PPP1R12C: variants seen among roughly 807,000 people sequenced by gnomAD.
The protein encoded by PPP1R12C is leukocyte receptor cluster (LRC) encoded novel gene 3.
In PPP1R12C, 48 loss-of-function variants were observed where a neutral mutation model predicts 95.6. The ratio of observed to expected loss-of-function variants is 0.50; its 90% CI spans 0.40 to 0.64. The LOEUF is 0.64. PPP1R12C is among the 30% of genes least tolerant of loss of function. PPP1R12C has a pLI of 0.00. For missense variants in PPP1R12C, 1,057 were observed against 1,083.3 expected (o/e 0.98, Z 0.34); for synonymous variants, 480 against 460.8 (o/e 1.04, Z -0.53).
intron 1 of PPP1R12C, 28 bp from the exon 2 acceptor site, chr19:55,112,823 C>T: frequency 1.9e-6 from 3 of 1,608,914 alleles, no homozygotes; most frequent in Non-Finnish European, 2.5e-6. Context: ...CCGTCAGCCG[C>T]ACCTACCCCA....
Position 55,117,516 on chromosome 19 carries a change from C to A in PPP1R12C, c.28G>T (p.Gly10Cys). Residue 10 changes from glycine (G) to cysteine (C), a missense_variant, in exon 1 of 22, where the codon GGC becomes TGC. Gly to Cys is a radical substitution (Grantham distance 159). Around this residue, in one of 5 missense-constraint regions of PPP1R12C, gnomAD observed 70 missense variants for 47.8 expected, o/e 1.46. Transcript: ENST00000263433. ...GCAGCCGCCGCCGCCGCCCCCGGGC[C>A]AGCCGCCGGGCCATCCTCTCCGGAC... is the stretch of plus-strand genomic sequence containing the variant. MSGEDGPAA[G>C]PGAAAAAARE... 9.7e-7 allele frequency: 1 copy of A among 1,027,150 alleles called. No homozygotes were observed. 63.6% of individuals were successfully genotyped at this position (1,027,150 alleles called of 1,614,324 possible).
intron 12 of PPP1R12C, 96 bp downstream of exon 12, chr19:55,094,565 C>G (rs2084887451): frequency 3.9e-6 from 6 of 1,534,868 alleles, no homozygotes; most frequent in Non-Finnish European, 5.2e-6. Context: ...GGCCAGCTCT[C>G]CCTCAGGAGC....
At chr19:55,111,639 C>T (rs1376534467) in intron 3 of PPP1R12C, 1 of 152,140 alleles carries the variant, frequency 6.6e-6, no homozygotes, top group African/African-American at 2.4e-5. Flanking sequence ...GCGGCCCCGT[C>T]AGGACAGCCG....
intron 3 of PPP1R12C, among the ~76,000 whole-genome samples, chr19:55,110,487 G>A (rs1488953532): frequency 1.3e-5 from 2 of 152,142 alleles, no homozygotes; most frequent in African/African-American, 4.8e-5. Context: ...TCAACACAGG[G>A]GGTAGCGTGT....
Position 55,115,671 on chromosome 19 carries a change from G to A in PPP1R12C, c.321+1552C>T, listed in dbSNP as rs1188741876. Among the ~76,000 whole-genome samples, 6 of 152,176 alleles carry A rather than the reference G, an allele frequency of 3.9e-5. No homozygotes were observed. In the South Asian group the frequency reaches 1.2e-3, roughly 31 times the overall value. ...GGGTGTGTCACCAGATAAGGAATCT[G>A]CCTAACAGGAGGTGGGGGTTAGACC... On this transcript the variant is annotated intron_variant, in intron 1 of 21. Coordinates refer to ENST00000263433, the MANE Select transcript of PPP1R12C (RefSeq NM_017607.4).
chr19:55,110,806 G>A (rs762880175), intron 3 of PPP1R12C, among the ~76,000 whole-genome samples: 1 of 151,744 alleles, frequency 6.6e-6, no homozygotes, highest in Non-Finnish European at 1.5e-5. Flanking sequence ...AGGAGGTGGA[G>A]GTTGCAGTGA....
chr19:55,117,476 C>T lies in PPP1R12C; in HGVS notation c.68G>A (p.Arg23Gln). The T allele has an allele frequency of 9.8e-7, 1 of 1,019,512 alleles. No individual in the cohort carries two copies. The highest frequency in any genetic ancestry group is 3.9e-5 in the South Asian group (1 of 25,742). The allele number at this position is 1,019,512 out of a possible 1,614,324, so 63.2% of individuals were successfully genotyped here. Residue 23 changes from arginine (R) to glutamine (Q), a missense_variant, in exon 1 of 22, where the codon CGG becomes CAG. Arg to Gln is a conservative substitution (Grantham distance 43). Coordinates refer to ENST00000263433, the MANE Select transcript of PPP1R12C (RefSeq NM_017607.4). ...AAAAAARERR[R>Q]EQLRQWGARA... is the part of the protein sequence containing the mutation. ...CGCCCCCCACTGCCGCAGCTGCTCC[C>T]GTCGCCGCTCCCGGGCAGCCGCCGC...
Position 55,095,466 on chromosome 19 carries a change from C to G in PPP1R12C, c.1365G>C (p.Trp455Cys). Residue 455 changes from tryptophan (W) to cysteine (C), a missense_variant, in exon 10 of 22, where the codon TGG (tryptophan) becomes TGC (cysteine). Coordinates refer to ENST00000263433, the MANE Select transcript of PPP1R12C (RefSeq NM_017607.4). The part of the protein sequence containing the change: ...AGLQRSASSS[W>C]LEGTSTQAKE... ...TCACCTGAGTGGAGGTCCCTTCCAGCCAGGAGGAGGAAGCCGAGCGCTGCA... is the reference window on the plus strand; with the variant it reads ...TCACCTGAGTGGAGGTCCCTTCCAGGCAGGAGGAGGAAGCCGAGCGCTGCA... The G allele has an allele frequency of 6.4e-7, 1 of 1,563,416 alleles. No individual in the cohort carries two copies. Among genetic ancestry groups the G allele is most frequent in the South Asian group, 1.2e-5 (1 of 85,082 alleles).
intron 6 of PPP1R12C, among the ~76,000 whole-genome samples, chr19:55,098,220 C>A (rs2532058): frequency 0.33 from 50,537 of 152,036 alleles, 8,619 homozygotes; most frequent in Non-Finnish European, 0.37. Flanking sequence ...ACGCATGACC[C>A]CTCATACAGT....
rs1346835917 is a variant in PPP1R12C at position 55,095,853 on chromosome 19, G to A, written c.1227+14C>T. ...CCTCCCAGCCTCACAGGACCTCTCA[G>A]GGCATCCACTCACCACGGGACTCTT... is the stretch of plus-strand genomic sequence containing the variant. On this transcript the variant is annotated intron_variant, in intron 9 of 21. Transcript: ENST00000263433. 1.9e-6 allele frequency: 3 copies of A among 1,613,016 alleles called. No homozygotes were observed. Among genetic ancestry groups the A allele is most frequent in the Non-Finnish European group, 2.5e-6 (3 of 1,179,418 alleles).
chr19:55,112,736 C>A lies in PPP1R12C; in HGVS notation c.381G>T (p.Val127=), dbSNP rs952597678. 6.2e-7 allele frequency: 1 copy of A among 1,613,848 alleles called. No individual in the cohort carries two copies. The highest frequency in any genetic ancestry group is 8.5e-7 in the Non-Finnish European group (1 of 1,179,994). ...TCCAGCCCTCGTTGTCTGCCTGGTT[C>A]ACAGTGGCGCCCTGCTCCACCAAGA... ...VRFLVEQGAT[V]NQADNEGWTP... The change falls in exon 2 of 22, where the codon GTG becomes GTT. Residue 127 remains valine, a synonymous_variant. Transcript: ENST00000263433.
chr19:55,115,220 T>G (rs2085141043), intron 1 of PPP1R12C: 1 of 150,292 alleles, frequency 6.7e-6, no homozygotes, highest in East Asian at 2.0e-4. Flanking sequence ...ACAAAGGGAG[T>G]TTTCCACACG....
chr19:55,110,047 T>C (rs2085078707), intron 3 of PPP1R12C, among the ~76,000 whole-genome samples: 1 of 152,076 alleles, frequency 6.6e-6, no homozygotes, highest in Admixed American at 6.5e-5. Context: ...CATGGCCCCC[T>C]CTGAGAAGCT....
Position 55,091,499 on chromosome 19 carries a change from G to A in PPP1R12C, c.2322C>T (p.Ile774=). 6.2e-7 allele frequency: 1 copy of A among 1,614,052 alleles called. No homozygotes were observed. The highest frequency in any genetic ancestry group is 1.1e-5 in the South Asian group (1 of 91,088). Reference sequence around the variant, plus strand: ...ACTTGGAGAGTTTGCTGATGACGCGGATCAACGCTGCATTCTCATCCTTGA... The same window carrying A: ...ACTTGGAGAGTTTGCTGATGACGCGAATCAACGCTGCATTCTCATCCTTGA... ...QRLKDENAAL[I]RVISKLSK The change falls in exon 22 of 22, where the codon ATC becomes ATT. Residue 774 remains isoleucine, a synonymous_variant. Coordinates refer to ENST00000263433, the MANE Select transcript of PPP1R12C (RefSeq NM_017607.4).
Position 55,094,823 on chromosome 19 carries a change from A to G in PPP1R12C, c.1455-25T>C, listed in dbSNP as rs200477573. 6 of 1,571,202 alleles carry G rather than the reference A, an allele frequency of 3.8e-6. No individual in the cohort carries two copies. In the East Asian group the frequency reaches 1.4e-4, roughly 36 times the overall value. ...CCTGCATCAATTCATTCATTCCACA[A>G]ACATTACCCAGGTGCATTGTGTGCC... is the stretch of plus-strand genomic sequence containing the variant. On this transcript the variant is annotated intron_variant, in intron 11 of 21. Transcript: ENST00000263433.
chr19:55,114,715 A>C (rs1260744042), intron 1 of PPP1R12C: 2 of 152,172 alleles, frequency 1.3e-5, no homozygotes, highest in Non-Finnish European at 2.9e-5. Flanking sequence ...GCCCACCCCA[A>C]TGCTCCAGGC....
At chr19:55,103,316 A>G in intron 4 of PPP1R12C, 93 bp downstream of exon 4, 1 of 1,247,052 alleles carries the variant, frequency 8.0e-7, no homozygotes, top group Non-Finnish European at 1.0e-6. Context: ...GGAAATACAT[A>G]GCCTTCGGTA....
chr19:55,095,187 A>T (rs2084895964), intron 11 of PPP1R12C, 104 bp downstream of exon 11: 1 of 1,299,192 alleles, frequency 7.7e-7, no homozygotes, highest in Non-Finnish European at 1.1e-6. Context: ...TGGCGGCAGG[A>T]ACCAGACCCC....
At chr19:55,115,363 G>A (rs977584464) in intron 1 of PPP1R12C, 3 of 152,186 alleles carry the variant, frequency 2.0e-5, no homozygotes, top group African/African-American at 7.2e-5. Flanking sequence ...TTAGAACTCA[G>A]GACCAACTTA....
Sources: gnomAD v4.1 joint callset for allele counts (sites outside exome capture counted in the v4.1 genomes callset) on GRCh38, gnomAD v4.1.1 for gene constraint, gnomAD v4.1.1 regional missense constraint, MANE v1.5 for transcripts, NCBI Gene and HGNC (gene_info 2026-07-23, HGNC 2026-07-21) for gene names.